The following LRIG1 variants were observed in gnomAD, a reference collection of about 807,000 sequenced individuals.
LRIG1 encodes leucine-rich repeats and immunoglobulin-like domains protein 1.
In LRIG1, 48 loss-of-function variants were observed where a neutral mutation model predicts 99.2. That is an observed-to-expected ratio of 0.48 (90% CI 0.38 to 0.62). The LOEUF is 0.62. LRIG1 is among the 20% of genes least tolerant of loss of function. The pLI, the probability that LRIG1 is intolerant of heterozygous loss-of-function variation, is 0.00. For synonymous variants in LRIG1, 772 were observed against 596.1 expected (o/e 1.29, Z -4.30); for missense variants, 1,646 against 1,434.4 (o/e 1.15, Z -2.38).
At chr3:66,412,285 G>A (rs1274816176) in intron 6 of LRIG1, among the ~76,000 whole-genome samples, 1 of 152,192 alleles carries the variant, frequency 6.6e-6, no homozygotes, top group African/African-American at 2.4e-5. Flanking sequence ...AAACCCAGAA[G>A]GGGAGAGAAG....
At chr3:66,496,214 T>C (rs975728305) in intron 1 of LRIG1, among the ~76,000 whole-genome samples, 1 of 152,210 alleles carries the variant, frequency 6.6e-6, no homozygotes, top group Non-Finnish European at 1.5e-5. Flanking sequence ...AACAGTCCCT[T>C]GAAAAGCGGG....
chr3:66,401,159 G>A (rs886674328), intron 9 of LRIG1, among the ~76,000 whole-genome samples: 8 of 152,186 alleles, frequency 5.3e-5, no homozygotes, highest in Non-Finnish European at 2.9e-5. Context: ...GAAAACAATC[G>A]CATTCTGAAA....
intron 3 of LRIG1, among the ~76,000 whole-genome samples, chr3:66,419,883 G>A (rs1335699828): frequency 1.3e-5 from 2 of 152,124 alleles, no homozygotes; most frequent in South Asian, 2.1e-4. Flanking sequence ...GATTCAAAAT[G>A]TTCTAGCTTG....
intron 11 of LRIG1, among the ~76,000 whole-genome samples, chr3:66,394,840 C>A (rs76569210): frequency 0.018 from 2,698 of 152,312 alleles, 75 homozygotes; most frequent in African/African-American, 0.062. Context: ...GATCTTTGCA[C>A]CAGTATTCTT....
At chr3:66,414,884 G>A (rs1172814935) in intron 5 of LRIG1, 36 bp downstream of exon 5, 30 of 1,525,038 alleles carry the variant, frequency 2.0e-5, no homozygotes, top group Non-Finnish European at 2.6e-5. Flanking sequence ...ATAAAGTTTG[G>A]CTAGCCTTAA....
chr3:66,473,692 C>T (rs568149726), intron 1 of LRIG1, among the ~76,000 whole-genome samples: 16 of 152,218 alleles, frequency 1.1e-4, no homozygotes, highest in Non-Finnish European at 2.2e-4. Flanking sequence ...AATTTACCCA[C>T]AACTTTTCAA....
intron 3 of LRIG1, among the ~76,000 whole-genome samples, chr3:66,446,539 G>A (rs544599418): frequency 2.2e-4 from 33 of 151,628 alleles, no homozygotes; most frequent in African/African-American, 7.7e-4. Context: ...CTGAGTAGCT[G>A]GGATTACCTG....
intron 3 of LRIG1, among the ~76,000 whole-genome samples, chr3:66,432,935 G>A (rs976207865): frequency 2.6e-5 from 4 of 152,190 alleles, no homozygotes; most frequent in African/African-American, 9.7e-5. Flanking sequence ...AGTCCTGCCA[G>A]GGGCCCACAC....
intron 3 of LRIG1, among the ~76,000 whole-genome samples, chr3:66,428,478 A>C (rs373228426): frequency 4.7e-5 from 7 of 150,366 alleles, no homozygotes; most frequent in African/African-American, 1.2e-4. Context: ...AATGATCACA[A>C]AAAAAAAAGA....
intron 1 of LRIG1, among the ~76,000 whole-genome samples, chr3:66,499,052 TC>T: frequency 6.6e-6 from 1 of 152,330 alleles, no homozygotes; most frequent in South Asian, 2.1e-4. Flanking sequence ...GTCCAATTAT[TC>T]AACCGAAATG....
At chr3:66,499,508 C>G (rs1233162764) in intron 1 of LRIG1, among the ~76,000 whole-genome samples, 1 of 152,120 alleles carries the variant, frequency 6.6e-6, no homozygotes, top group Non-Finnish European at 1.5e-5. Flanking sequence ...GCCAAACAGG[C>G]GTAAAAGGAC....
chr3:66,486,725 T>A (rs1180943357), intron 1 of LRIG1, among the ~76,000 whole-genome samples: 1 of 152,224 alleles, frequency 6.6e-6, no homozygotes, highest in Non-Finnish European at 1.5e-5. Context: ...ATTTTAGGTA[T>A]CACAGACTCA....
intron 9 of LRIG1, chr3:66,404,149 C>T: frequency 1.2e-6 from 1 of 825,870 alleles, no homozygotes; most frequent in Non-Finnish European, 1.8e-6. Context: ...TATTCCTAAG[C>T]AGGACCCTTG....
intron 1 of LRIG1, chr3:66,498,194 A>T (rs1416732733): frequency 6.6e-6 from 1 of 152,182 alleles, no homozygotes; most frequent in African/African-American, 2.4e-5. Flanking sequence ...TCAACACCAT[A>T]ATCAGTATAC....
intron 3 of LRIG1, among the ~76,000 whole-genome samples, chr3:66,425,188 C>G (rs1462990240): frequency 2.0e-5 from 3 of 152,212 alleles, no homozygotes; most frequent in Admixed American, 6.5e-5. Context: ...CTATCTAGCC[C>G]GTCCGAGAGG....
intron 3 of LRIG1, among the ~76,000 whole-genome samples, chr3:66,444,419 C>T (rs1446410683): frequency 6.6e-6 from 1 of 152,214 alleles, no homozygotes; most frequent in Non-Finnish European, 1.5e-5. Flanking sequence ...GCCATAGAGC[C>T]CCACTGTCCC....
chr3:66,450,604 A>ATCTGTAAGCTATGCCAGCAC (rs1426768248), intron 3 of LRIG1, among the ~76,000 whole-genome samples: 6 of 152,138 alleles, frequency 3.9e-5, no homozygotes, highest in Admixed American at 3.3e-4. Flanking sequence ...AAGATCCGAG[A>ATCTGTAAGCTATGCCAGCAC]TCTGTAAGCT....
At position 66,386,111 on chromosome 3, in the gene LRIG1, C is replaced by A. The variant is rs372342484; in HGVS notation, c.1659G>T (p.Gly553=). The change falls in exon 13 of 19, where the codon GGG becomes GGT. Residue 553 remains glycine (G), a synonymous_variant. Transcript: ENST00000273261. The part of the protein sequence containing the change: ...ENFVHVHAQD[G]EVMEYTTILH... The stretch of plus-strand genomic sequence containing the variant: ...GGATGGTGGTGTACTCCATCACTTC[C>A]CCGTCCTGCGCGTGGACGTGGACAA... The A allele has an allele frequency of 3.1e-6, 5 of 1,614,210 alleles. No homozygotes were observed. In the East Asian group the frequency reaches 1.1e-4, roughly 36 times the overall value.
rs778532734 is a variant in LRIG1 at position 66,380,315 on chromosome 3, C to T, written c.3230G>A (p.Gly1077Glu). ...CACCCTCTGTTTCCCGGGGAGCTGT[C>T]CTGTCAGTGGCGTGGACTCGGGACT... ...DASPESTPLT[G>E]QLPGKQRVPL... Residue 1077 changes from glycine to glutamate, a missense_variant, in exon 19 of 19, where the codon GGA becomes GAA. Gly to Glu is a moderately conservative substitution (Grantham distance 98). Coordinates refer to ENST00000273261, the MANE Select transcript of LRIG1 (RefSeq NM_015541.3). 1.9e-6 allele frequency: 3 copies of T among 1,614,074 alleles called. No individual in the cohort carries two copies. Among genetic ancestry groups the T allele is most frequent in the African/African-American group, 2.7e-5 (2 of 74,932 alleles).
Sources: allele counts gnomAD v4.1 joint callset (sites outside exome capture counted in the v4.1 genomes callset), GRCh38; gene constraint gnomAD v4.1.1; transcripts MANE v1.5; gene names NCBI Gene and HGNC (gene_info 2026-07-23, HGNC 2026-07-21).